Variants in PREX1 observed in about 807,000 individuals in gnomAD.
The protein encoded by PREX1 is phosphatidylinositol 3,4,5-trisphosphate-dependent Rac exchanger 1 protein.
In PREX1, 41 loss-of-function variants were observed where a neutral mutation model predicts 198.3. The ratio of observed to expected loss-of-function variants is 0.21; its 90% CI spans 0.16 to 0.27. The LOEUF (loss-of-function observed/expected upper bound fraction) is 0.27, where lower values mean the gene tolerates loss of function less well. Among genes scored for constraint, PREX1 ranks in the 10% least tolerant of loss-of-function variants. The pLI, the probability that PREX1 is intolerant of heterozygous loss-of-function variation, is 1.00. For synonymous variants in PREX1, 843 were observed against 887.2 expected (o/e 0.95, Z 0.89); for missense variants, 1,620 against 2,200.7 (o/e 0.74, Z 5.28).
chr20:48,714,845 CT>C (rs1483892468), intron 5 of PREX1, among the ~76,000 whole-genome samples: 2 of 152,154 alleles, frequency 1.3e-5, no homozygotes, highest in African/African-American at 4.8e-5. Context: ...GAAAAAGTTC[CT>C]ACTGCTTCAC....
intron 4 of PREX1, among the ~76,000 whole-genome samples, chr20:48,729,268 G>C (rs1328197132): frequency 6.6e-6 from 1 of 151,970 alleles, no homozygotes; most frequent in East Asian, 1.9e-4. Context: ...GTAGAGACAG[G>C]GTTTTGCCAT....
chr20:48,817,027 C>G (rs115262992), intron 1 of PREX1, among the ~76,000 whole-genome samples: 1 of 152,204 alleles, frequency 6.6e-6, no homozygotes, highest in Non-Finnish European at 1.5e-5. Flanking sequence ...GTTTCCTCAT[C>G]TGCAAAACTG....
upstream of PREX1, among the ~76,000 whole-genome samples, chr20:48,832,139 G>A (rs1018218062): frequency 1.2e-3 from 157 of 133,816 alleles, no homozygotes; most frequent in African/African-American, 4.2e-3. Flanking sequence ...AGTTCAGGGG[G>A]AAGAAAAAAA....
At chr20:48,640,328 A>G (rs2089399778) in intron 29 of PREX1, among the ~76,000 whole-genome samples, 1 of 152,230 alleles carries the variant, frequency 6.6e-6, no homozygotes, top group Non-Finnish European at 1.5e-5. Context: ...ACAGAGTGGG[A>G]AAGTGACATG....
chr20:48,712,789 A>G (rs896919618), intron 5 of PREX1, among the ~76,000 whole-genome samples: 9 of 152,212 alleles, frequency 5.9e-5, no homozygotes, highest in African/African-American at 2.2e-4. Context: ...TCCTGCCTCC[A>G]GGCCTTTGGA....
the PREX1 span, among the ~76,000 whole-genome samples, chr20:48,850,288 G>A: frequency 1.3e-5 from 2 of 152,204 alleles, no homozygotes; most frequent in African/African-American, 2.4e-5. Flanking sequence ...GCGGAGGGCC[G>A]AGGGGAGGAA....
chr20:48,664,374 G>GA (rs11476844), intron 15 of PREX1, among the ~76,000 whole-genome samples: 22,183 of 137,058 alleles, frequency 0.16, 1,998 homozygotes, highest in Middle Eastern at 0.29. Flanking sequence ...GACTCCGTCT[G>GA]AAAAAAAAAA....
At chr20:48,713,692 G>A (rs940580905) in intron 5 of PREX1, among the ~76,000 whole-genome samples, 2 of 148,892 alleles carry the variant, frequency 1.3e-5, no homozygotes, top group African/African-American at 5.0e-5. Context: ...AGTTATAATC[G>A]GGCCACTGCA....
rs1199866536 is a variant in PREX1, at chr20:48,688,772, C to T, written c.1219G>A (p.Val407Ile). 1.3e-5 allele frequency: 21 copies of T among 1,614,176 alleles called. No individual in the cohort carries two copies. The highest frequency in any genetic ancestry group is 1.6e-5 in the Non-Finnish European group (19 of 1,180,024). The change falls in exon 10 of 40, where the codon GTC becomes ATC. Residue 407 changes from valine to isoleucine, a missense_variant. Physicochemically the swap from Val to Ile is conservative, Grantham distance 29. Coordinates refer to ENST00000371941, the MANE Select transcript of PREX1 (RefSeq NM_020820.4). Reference protein sequence around the residue: ...LKLGMERDAYVMIAEKGEKLY... With the variant: ...LKLGMERDAYIMIAEKGEKLY... ...TTCTCCCCCTTCTCCGCAATCATGA[C>T]GTAGGCATCACGCTCCATGCCCAGC...
intron 1 of PREX1, chr20:48,821,642 C>T (rs2090485404): frequency 6.6e-6 from 1 of 152,206 alleles, no homozygotes; most frequent in African/African-American, 2.4e-5. Flanking sequence ...GCTTCAAACA[C>T]TTAAACTCTT....
At chr20:48,723,838 AGTCCACCGTACACACAG>A (rs1178002163) in intron 5 of PREX1, among the ~76,000 whole-genome samples, 3 of 152,144 alleles carry the variant, frequency 2.0e-5, no homozygotes, top group Non-Finnish European at 4.4e-5. Context: ...TCGAGCCTAG[AGTCCACCGTACACACAG>A]GTCCAGCGAC....
At chr20:48,654,985 T>C (rs2122914692) in intron 19 of PREX1, among the ~76,000 whole-genome samples, 1 of 152,352 alleles carries the variant, frequency 6.6e-6, no homozygotes. Flanking sequence ...CCCACATTCC[T>C]GTCTGGCAAT....
chr20:48,862,041 C>T, the PREX1 span, among the ~76,000 whole-genome samples: 18 of 152,076 alleles, frequency 1.2e-4, no homozygotes, highest in Non-Finnish European at 1.8e-4. Context: ...AAAACCCTGT[C>T]TCTACTAAAA....
At chr20:48,678,730 A>C (rs1437060500) in intron 13 of PREX1, among the ~76,000 whole-genome samples, 3 of 152,212 alleles carry the variant, frequency 2.0e-5, no homozygotes, top group African/African-American at 7.2e-5. Context: ...CCTGCCAGGT[A>C]AGACGTGCCT....
intron 10 of PREX1, among the ~76,000 whole-genome samples, chr20:48,683,918 G>C (rs963013681): frequency 6.6e-6 from 1 of 152,104 alleles, no homozygotes; most frequent in Non-Finnish European, 1.5e-5. Flanking sequence ...GCCCTGAGAG[G>C]TAAGGTCAGG....
chr20:48,852,316 C>T, the PREX1 span, among the ~76,000 whole-genome samples: 2 of 152,044 alleles, frequency 1.3e-5, no homozygotes, highest in Admixed American at 6.6e-5. Context: ...CCAGACCCAC[C>T]GAAACCTACT....
chr20:48,749,023 G>A (rs1020905215), intron 1 of PREX1, among the ~76,000 whole-genome samples: 5 of 152,178 alleles, frequency 3.3e-5, no homozygotes, highest in Admixed American at 6.5e-5. Flanking sequence ...ACCAGGTGGT[G>A]TGGGTAGAAA....
intron 1 of PREX1, among the ~76,000 whole-genome samples, chr20:48,823,698 A>G (rs972771484): frequency 6.6e-6 from 1 of 152,190 alleles, no homozygotes; most frequent in African/African-American, 2.4e-5. Flanking sequence ...AACAGGAGGA[A>G]GCGCAGGCGG....
At chr20:48,829,270 G>A (rs1009580852), upstream of PREX1, among the ~76,000 whole-genome samples, 1 of 152,168 alleles carries the variant, frequency 6.6e-6, no homozygotes, top group Non-Finnish European at 1.5e-5. Flanking sequence ...CTAATCACCC[G>A]TGTTTCCGGA....
Sources: gnomAD v4.1 joint callset for allele counts (sites outside exome capture counted in the v4.1 genomes callset) on GRCh38, gnomAD v4.1.1 for gene constraint, MANE v1.5 for transcripts, NCBI Gene and HGNC (gene_info 2026-07-23, HGNC 2026-07-21) for gene names.